Variants in APP observed in about 807,000 individuals in gnomAD.
APP encodes amyloid beta precursor protein, also known as amyloid-beta precursor protein.
APP carries 31 observed loss-of-function variants against 101.4 expected under a neutral mutation model. The ratio of observed to expected loss-of-function variants is 0.31; its 90% CI spans 0.23 to 0.41. The LOEUF is 0.41. Among genes scored for constraint, APP ranks in the 10% least tolerant of loss-of-function variants. The pLI is 1.00. For synonymous variants in APP, 366 were observed against 364.4 expected, an observed-to-expected ratio of 1.00 and a Z score of -0.05; for missense variants, 839 against 1,003.7, an observed-to-expected ratio of 0.84 and a Z score of 2.22.
intron 11 of APP, among the ~76,000 whole-genome samples, chr21:25,973,335 C>T (rs1419858511): frequency 3.3e-5 from 5 of 152,082 alleles, no homozygotes; most frequent in African/African-American, 4.8e-5. Flanking sequence ...ACAAAAAATA[C>T]ACTTCAAATA....
At chr21:25,907,767 G>A (rs188707291) in intron 14 of APP, among the ~76,000 whole-genome samples, 22 of 152,292 alleles carry the variant, frequency 1.4e-4, no homozygotes, top group Non-Finnish European at 7.3e-5. Flanking sequence ...CAAAGGTAAT[G>A]AGGAATCAGC....
At chr21:26,154,895 C>T (rs1468188103) in intron 1 of APP, among the ~76,000 whole-genome samples, 2 of 152,220 alleles carry the variant, frequency 1.3e-5, no homozygotes, top group African/African-American at 2.4e-5. Flanking sequence ...CTGTCCAATA[C>T]AGTAACCACT....
At chr21:26,036,128 C>T (rs2045098089) in intron 5 of APP, among the ~76,000 whole-genome samples, 1 of 152,030 alleles carries the variant, frequency 6.6e-6, no homozygotes. Context: ...GCATGGATTA[C>T]AGCAATCAGG....
chr21:26,161,433 C>G (rs2063489913), intron 1 of APP, among the ~76,000 whole-genome samples: 1 of 152,112 alleles, frequency 6.6e-6, no homozygotes, highest in African/African-American at 2.4e-5. Context: ...TAATTTTTTC[C>G]AAGTCACTTC....
intron 6 of APP, among the ~76,000 whole-genome samples, chr21:26,013,003 CAAAACA>C: frequency 1.8e-5 from 1 of 54,668 alleles, no homozygotes; most frequent in South Asian, 5.9e-4. Flanking sequence ...CAAAACAAAA[CAAAACA>C]AAACAAACAA....
rs149290160 is a variant in APP at position 25,986,528 on chromosome 21, T to C, written c.1091-4051A>G. 4.9e-3 allele frequency among the ~76,000 whole-genome samples: 748 copies of C among 152,102 alleles called. 2 individuals carry two copies. Among genetic ancestry groups the C allele is most frequent in the Non-Finnish European group, 9.1e-3 (617 of 68,004 alleles). On this transcript the variant is annotated intron_variant, in intron 8 of 17. Transcript: ENST00000346798. ...CAACATGGAGAAACCCCGTCTCTAC[T>C]AAAATAAAATAAAATAAAAAAATTA...
At chr21:26,106,588 C>G (rs188818541) in intron 2 of APP, among the ~76,000 whole-genome samples, 10 of 151,524 alleles carry the variant, frequency 6.6e-5, no homozygotes, top group African/African-American at 2.4e-4. Flanking sequence ...TGGGCCCAAG[C>G]GATCCTCTCA....
chr21:26,075,566 G>T (rs1222529804), intron 3 of APP, among the ~76,000 whole-genome samples: 1 of 152,108 alleles, frequency 6.6e-6, no homozygotes, highest in Non-Finnish European at 1.5e-5. Flanking sequence ...TCTATTAAAA[G>T]AGCTAACATA....
At chr21:25,935,668 C>T (rs913665400) in intron 13 of APP, among the ~76,000 whole-genome samples, 3 of 151,836 alleles carry the variant, frequency 2.0e-5, no homozygotes, top group Admixed American at 6.6e-5. Context: ...ACTGAAACCC[C>T]GTCTCTACTA....
chr21:26,047,251 C>G (rs2045648706), intron 5 of APP, among the ~76,000 whole-genome samples: 2 of 152,170 alleles, frequency 1.3e-5, no homozygotes, highest in Admixed American at 6.5e-5. Context: ...TCAAAACAAG[C>G]CTCATTAACT....
chr21:26,166,648 C>T (rs1203851506), intron 1 of APP, among the ~76,000 whole-genome samples: 1 of 151,634 alleles, frequency 6.6e-6, no homozygotes, highest in Admixed American at 6.6e-5. Flanking sequence ...TCAAGTGAAA[C>T]AGAGAGAGGT....
At chr21:26,034,140 A>G (rs1162715607) in intron 5 of APP, among the ~76,000 whole-genome samples, 2 of 152,150 alleles carry the variant, frequency 1.3e-5, no homozygotes, top group Non-Finnish European at 2.9e-5. Flanking sequence ...CCAGATGCCC[A>G]CTCACTTTCT....
chr21:26,037,933 G>C (rs1361275186), intron 5 of APP, among the ~76,000 whole-genome samples: 2 of 152,080 alleles, frequency 1.3e-5, no homozygotes, highest in Non-Finnish European at 2.9e-5. Flanking sequence ...AGTAGTTAGA[G>C]TTTAAGATAC....
In APP at chr21:25,967,635, C is replaced by A. The variant is rs566537397; in HGVS notation, c.1458+7435G>T. Among the ~76,000 whole-genome samples, 113 of 152,300 alleles carry A rather than the reference C, an allele frequency of 7.4e-4. 2 individuals carry two copies. The highest frequency in any genetic ancestry group is 6.8e-3 in the Middle Eastern group (2 of 294). On this transcript the variant is annotated intron_variant, in intron 11 of 17. Coordinates refer to ENST00000346798, the MANE Select transcript of APP (RefSeq NM_000484.4). The stretch of plus-strand genomic sequence containing the variant: ...GGCCTTTGGTTTAACTGTACAGGAT[C>A]ACATTAAGTCTAATTTCTCTTCAAC...
Position 26,069,068 on chromosome 21 carries a change from C to T in APP, c.356-15720G>A, listed in dbSNP as rs567600793. 1.8e-4 allele frequency among the ~76,000 whole-genome samples: 28 copies of T among 152,306 alleles called. No homozygotes were observed. In the South Asian group the frequency reaches 5.4e-3, roughly 29 times the overall value. On this transcript the variant is annotated intron_variant, in intron 3 of 17. Coordinates refer to ENST00000346798, the MANE Select transcript of APP (RefSeq NM_000484.4). Reference sequence around the variant, plus strand: ...AGAAAGGAACAGAACTAACACTGAACATTGTGAGGAGCCCAAAACATGACT... The same window carrying T: ...AGAAAGGAACAGAACTAACACTGAATATTGTGAGGAGCCCAAAACATGACT...
chr21:25,909,654 A>C (rs1370728382), intron 14 of APP, among the ~76,000 whole-genome samples: 1 of 152,220 alleles, frequency 6.6e-6, no homozygotes, highest in Non-Finnish European at 1.5e-5. Flanking sequence ...GTATGCTGTT[A>C]GTAAAAGAGC....
In APP at chr21:25,986,627, G is replaced by A. The variant is rs532027378; in HGVS notation, c.1091-4150C>T. Among the ~76,000 whole-genome samples, 30 of 152,352 alleles carry A rather than the reference G, an allele frequency of 2.0e-4. 1 individual carries two copies. The highest frequency in any genetic ancestry group is 3.4e-3 in the Middle Eastern group (1 of 294). On this transcript the variant is annotated intron_variant, in intron 8 of 17. Coordinates refer to ENST00000346798, the MANE Select transcript of APP (RefSeq NM_000484.4). ...AGGCAGGAGAATCGCTTGAACCTGG[G>A]AGGCGGAGGTTGCGGTGAGCCGAGA...
chr21:26,008,794 G>T (rs544890523), intron 6 of APP, among the ~76,000 whole-genome samples: 4 of 152,342 alleles, frequency 2.6e-5, no homozygotes, highest in African/African-American at 9.6e-5. Flanking sequence ...TCAGTAGGTA[G>T]ATGTCTCAGG....
intron 1 of APP, chr21:26,169,148 A>G (rs2063682993): frequency 6.6e-6 from 1 of 152,232 alleles, no homozygotes; most frequent in African/African-American, 2.4e-5. Context: ...TGTAAAGAAA[A>G]ACAGTCATTG....
Sources: allele counts gnomAD v4.1 joint callset (sites outside exome capture counted in the v4.1 genomes callset), GRCh38; gene constraint gnomAD v4.1.1; transcripts MANE v1.5; gene names NCBI Gene and HGNC (gene_info 2026-07-23, HGNC 2026-07-21).